PRKCE: variants seen among roughly 807,000 people sequenced by gnomAD.
PRKCE encodes protein kinase C epsilon, also known as protein kinase C epsilon type.
A neutral mutation model predicts 85.4 loss-of-function variants in PRKCE; 16 were observed. The observed-to-expected ratio is 0.19, with a 90% CI of 0.13 to 0.28. The LOEUF is 0.28. Ranked by LOEUF, PRKCE falls within the 10% of genes least tolerant of loss-of-function variation. The probability of loss-of-function intolerance (pLI) is 1.00; values close to 1 mark genes in which losing one functional copy is unlikely to be tolerated. For synonymous variants in PRKCE, 388 were observed against 371.5 expected, an observed-to-expected ratio of 1.04 and a Z score of -0.51; for missense variants, 573 against 975.2, an observed-to-expected ratio of 0.59 and a Z score of 5.49.
intron 2 of PRKCE, among the ~76,000 whole-genome samples, chr2:45,898,296 A>C (rs1696303933): frequency 1.3e-5 from 2 of 152,310 alleles, no homozygotes; most frequent in African/African-American, 4.8e-5. Flanking sequence ...TTGTGGGCAT[A>C]GTTTAAAACA....
chr2:45,777,098 G>C (rs1478400192), intron 1 of PRKCE, among the ~76,000 whole-genome samples: 1 of 152,140 alleles, frequency 6.6e-6, no homozygotes, highest in African/African-American at 2.4e-5. Flanking sequence ...GGGAATTACA[G>C]TCCACAATTA....
At chr2:45,848,566 C>A (rs547540354) in intron 2 of PRKCE, among the ~76,000 whole-genome samples, 1 of 152,228 alleles carries the variant, frequency 6.6e-6, no homozygotes, top group Admixed American at 6.5e-5. Context: ...CCACCTCGGC[C>A]TCCCAAAGTG....
chr2:45,873,370 G>C (rs1694236989), intron 2 of PRKCE, among the ~76,000 whole-genome samples: 1 of 151,950 alleles, frequency 6.6e-6, no homozygotes, highest in Non-Finnish European at 1.5e-5. Flanking sequence ...AAAAGTCTGG[G>C]TGTTGTTGAT....
intron 1 of PRKCE, among the ~76,000 whole-genome samples, chr2:45,768,246 C>T (rs1181574014): frequency 1.3e-5 from 2 of 152,214 alleles, no homozygotes; most frequent in Non-Finnish European, 2.9e-5. Flanking sequence ...CCTTGAAAAG[C>T]TGTTACAGTG....
At chr2:46,087,087 C>A (rs1467056534) in intron 11 of PRKCE, among the ~76,000 whole-genome samples, 1 of 152,016 alleles carries the variant, frequency 6.6e-6, no homozygotes, top group Non-Finnish European at 1.5e-5. Context: ...TTAAGGTTTT[C>A]TCAATGGCTG....
At chr2:45,939,212 AG>A (rs1364983731) in intron 2 of PRKCE, among the ~76,000 whole-genome samples, 1 of 152,208 alleles carries the variant, frequency 6.6e-6, no homozygotes, top group Non-Finnish European at 1.5e-5. Flanking sequence ...GTTTCGGGAA[AG>A]AAATTTGATA....
At chr2:45,763,102 C>T (rs1445018785) in intron 1 of PRKCE, among the ~76,000 whole-genome samples, 1 of 152,072 alleles carries the variant, frequency 6.6e-6, no homozygotes, top group East Asian at 1.9e-4. Flanking sequence ...CTACAGGCGC[C>T]TGCCACCACA....
intron 10 of PRKCE, among the ~76,000 whole-genome samples, chr2:46,021,934 C>G (rs143403505): frequency 5.9e-5 from 9 of 152,258 alleles, no homozygotes; most frequent in African/African-American, 2.2e-4. Flanking sequence ...TAGGGAGCTT[C>G]TACATAGTCT....
In PRKCE at chr2:46,004,599, G is replaced by A; in HGVS notation, c.1024G>A (p.Asp342Asn). The change falls in exon 8 of 15, where the codon GAT becomes AAT. Residue 342 changes from aspartate (D) to asparagine (N), a missense_variant. Asp to Asn is a conservative substitution (Grantham distance 23, BLOSUM62 1). Coordinates refer to ENST00000306156, the MANE Select transcript of PRKCE (RefSeq NM_005400.3). This position sits in a 1 kb window ranked among gnomAD's most constrained non-coding sequence, Gnocchi z 4.1. ...PASGSSPSEEDRSKSAPTSPC... is the reference protein window; with the variant it reads ...PASGSSPSEENRSKSAPTSPC... ...TTCTGGAAGCTCACCATCTGAGGAA[G>A]ATCGATCCAAGTCAGCACCCACCTC... 6.3e-7 allele frequency: 1 copy of A among 1,591,850 alleles called. No homozygotes were observed. Among genetic ancestry groups the A allele is most frequent in the East Asian group, 2.2e-5 (1 of 44,728 alleles).
intron 10 of PRKCE, among the ~76,000 whole-genome samples, chr2:46,060,044 A>G (rs547997295): frequency 1.3e-5 from 2 of 152,362 alleles, no homozygotes; most frequent in South Asian, 4.1e-4. Flanking sequence ...GGAAAAATTA[A>G]AACCAAATAA....
chr2:45,980,406 C>G (rs1257502660), intron 5 of PRKCE, 25 bp downstream of exon 5: 12 of 1,596,810 alleles, frequency 7.5e-6, no homozygotes, highest in Non-Finnish European at 8.5e-6. Context: ...CACGGAAATT[C>G]TGGGCTTCTT....
chr2:45,890,833 A>C (rs1695671019), intron 2 of PRKCE, among the ~76,000 whole-genome samples: 1 of 152,196 alleles, frequency 6.6e-6, no homozygotes, highest in Non-Finnish European at 1.5e-5. Flanking sequence ...GGATGGGTTA[A>C]GGTCAGATTT....
chr2:46,062,035 T>G (rs1382908708), intron 10 of PRKCE, among the ~76,000 whole-genome samples: 1 of 152,028 alleles, frequency 6.6e-6, no homozygotes, highest in Non-Finnish European at 1.5e-5. Context: ...GCTAATTTTG[T>G]ACTTTTAGTA....
rs1675215863 is a variant in PRKCE, at chr2:46,138,564, C to G, written c.1593-6529C>G. Among the ~76,000 whole-genome samples, 1 of 152,176 alleles carries G rather than the reference C, an allele frequency of 6.6e-6. No homozygotes were observed. The highest frequency in any genetic ancestry group is 2.4e-5 in the African/African-American group (1 of 41,438). ...ACCCTTTCCTTATAGCCAGGATGTG[C>G]TTTCCAAATCTCTGTCTGGCTTAGT... On this transcript the variant is annotated intron_variant, in intron 11 of 14. Coordinates refer to ENST00000306156, the MANE Select transcript of PRKCE (RefSeq NM_005400.3). This position sits in a 1 kb window ranked among gnomAD's most constrained non-coding sequence, Gnocchi z 4.2.
In PRKCE at chr2:46,004,507, C is replaced by A; in HGVS notation, c.967-35C>A. The A allele has an allele frequency of 6.6e-7, 1 of 1,518,398 alleles. No homozygotes were observed. Among genetic ancestry groups the A allele is most frequent in the South Asian group, 1.2e-5 (1 of 84,156 alleles). The allele number at this position is 1,518,398 out of a possible 1,614,324, so 94.1% of individuals were successfully genotyped here. A position where few individuals can be genotyped will look rare whatever the true frequency, so the allele number is the denominator to read the frequency against. On this transcript the variant is annotated intron_variant, in intron 7 of 14. Transcript: ENST00000306156. This position sits in a 1 kb window ranked among gnomAD's most constrained non-coding sequence, Gnocchi z 4.1. Reference sequence around the variant, plus strand: ...ATCAGAAAACTCTCAACCCTCCCTTCTGATGCCTCTGTCCCTGCTTTCTCT... The same window carrying A: ...ATCAGAAAACTCTCAACCCTCCCTTATGATGCCTCTGTCCCTGCTTTCTCT...
At chr2:46,075,068 T>A (rs1668436413) in intron 10 of PRKCE, among the ~76,000 whole-genome samples, 1 of 152,116 alleles carries the variant, frequency 6.6e-6, no homozygotes, top group South Asian at 2.1e-4. Context: ...TGAGACGGAG[T>A]CTCGCCCTGT....
intron 2 of PRKCE, among the ~76,000 whole-genome samples, chr2:45,910,748 G>A (rs908012573): frequency 2.0e-5 from 3 of 152,192 alleles, no homozygotes; most frequent in Admixed American, 1.3e-4. Context: ...GAACAGGGAG[G>A]AAAGATGGTT....
intron 11 of PRKCE, among the ~76,000 whole-genome samples, chr2:46,135,266 A>T (rs1674847896): frequency 6.6e-6 from 1 of 152,162 alleles, no homozygotes; most frequent in Non-Finnish European, 1.5e-5. Flanking sequence ...CACCCCAACA[A>T]CTACAACTGT....
chr2:46,055,046 C>G (rs749706160), intron 10 of PRKCE, among the ~76,000 whole-genome samples: 3 of 152,324 alleles, frequency 2.0e-5, no homozygotes, highest in Non-Finnish European at 2.9e-5. Flanking sequence ...TTTACCATCT[C>G]TAATTCGTTC....
Sources: gnomAD v4.1 joint callset for allele counts (sites outside exome capture counted in the v4.1 genomes callset) on GRCh38, gnomAD v4.1.1 for gene constraint, Gnocchi (gnomAD v3.1) non-coding constraint, MANE v1.5 for transcripts, NCBI Gene and HGNC (gene_info 2026-07-23, HGNC 2026-07-21) for gene names.